CDH18: variants seen among roughly 807,000 people sequenced by gnomAD.
CDH18 encodes the protein cadherin-18.
Under a neutral mutation model 67.9 loss-of-function variants are expected in CDH18, and 31 were observed. The observed-to-expected ratio is 0.46, with a 90% CI of 0.34 to 0.62. CDH18 has a LOEUF of 0.62. Among genes scored for constraint, CDH18 ranks in the 20% least tolerant of loss-of-function variants. The pLI is 0.01. For synonymous variants in CDH18, 362 were observed against 347.2 expected (o/e 1.04, Z -0.48); for missense variants, 890 against 975.5 (o/e 0.91, Z 1.17).
At chr5:20,564,796 C>A (rs2434785) in intron 1 of CDH18, among the ~76,000 whole-genome samples, 41,721 of 152,000 alleles carry the variant, frequency 0.27, 7,233 homozygotes, top group African/African-American at 0.49. Context: ...GGTCAGAGAT[C>A]TAACAGAAAG....
At chr5:20,220,726 C>G (rs1369856663) in intron 2 of CDH18, among the ~76,000 whole-genome samples, 1 of 151,892 alleles carries the variant, frequency 6.6e-6, no homozygotes, top group Non-Finnish European at 1.5e-5. Flanking sequence ...AACTATCCAG[C>G]TGACAAGGGA....
intron 2 of CDH18, among the ~76,000 whole-genome samples, chr5:20,084,211 T>C (rs905219309): frequency 6.6e-6 from 1 of 152,142 alleles, no homozygotes; most frequent in African/African-American, 2.4e-5. Flanking sequence ...GTGGGAGACA[T>C]TGGCCAAAAC....
At chr5:19,822,085 C>A (rs895361612) in intron 3 of CDH18, among the ~76,000 whole-genome samples, 1 of 152,124 alleles carries the variant, frequency 6.6e-6, no homozygotes, top group African/African-American at 2.4e-5. Flanking sequence ...AACAACATCA[C>A]AACCGGATCA....
intron 5 of CDH18, among the ~76,000 whole-genome samples, chr5:19,709,397 T>C (rs1764408034): frequency 6.6e-6 from 1 of 151,956 alleles, no homozygotes; most frequent in Admixed American, 6.6e-5. Flanking sequence ...GTGAAACCCA[T>C]CTCTACTAAA....
At chr5:19,819,684 C>G (rs888555105) in intron 3 of CDH18, among the ~76,000 whole-genome samples, 1 of 152,104 alleles carries the variant, frequency 6.6e-6, no homozygotes, top group Non-Finnish European at 1.5e-5. Context: ...GAGGCTTGCA[C>G]AGAGCCCAAA....
intron 3 of CDH18, among the ~76,000 whole-genome samples, chr5:19,799,501 G>T (rs923850880): frequency 6.6e-6 from 1 of 151,434 alleles, no homozygotes; most frequent in Non-Finnish European, 1.5e-5. Flanking sequence ...TTTTGAGGGT[G>T]ATGAATGTGT....
rs116759944 is a variant in CDH18 at position 20,158,916 on chromosome 5, T to C, written c.-518+96528A>G. On this transcript the variant is annotated intron_variant, in intron 2 of 14. Coordinates refer to the CDH18 transcript ENST00000507958. Reference sequence around the variant, plus strand: ...AAAGCTTTTAGTCTCTCTTTATCACTTGCAACCCCAACTATCATCTTGCAA... The same window carrying C: ...AAAGCTTTTAGTCTCTCTTTATCACCTGCAACCCCAACTATCATCTTGCAA... The C allele has an allele frequency of 5.0e-3, 961 of 191,446 alleles. 10 individuals are homozygous for C. Among genetic ancestry groups the C allele is most frequent in the African/African-American group, 0.022 (931 of 42,438 alleles). The allele number at this position is 191,446 out of a possible 1,614,324, so 11.9% of individuals were successfully genotyped here. A position where few individuals can be genotyped will look rare whatever the true frequency, so the allele number is the denominator to read the frequency against.
intron 1 of CDH18, among the ~76,000 whole-genome samples, chr5:20,313,075 T>A (rs1737141977): frequency 1.3e-5 from 2 of 152,104 alleles, no homozygotes; most frequent in Non-Finnish European, 2.9e-5. Context: ...TCTTGGTAAA[T>A]AACAAGGATA....
At chr5:19,719,957 G>GAAAGAAAGAAAGA (rs869259013) in intron 5 of CDH18, among the ~76,000 whole-genome samples, 301 of 149,502 alleles carry the variant, frequency 2.0e-3, no homozygotes, top group African/African-American at 7.1e-3. Context: ...AAGAAAGAAA[G>GAAAGAAAGAAAGA]AAGGAAAGAG....
intron 5 of CDH18, among the ~76,000 whole-genome samples, chr5:19,651,934 C>G (rs1213969856): frequency 2.0e-5 from 3 of 151,912 alleles, no homozygotes; most frequent in African/African-American, 2.4e-5. Flanking sequence ...GAAAAATATA[C>G]CATATATACA....
intron 2 of CDH18, among the ~76,000 whole-genome samples, chr5:20,137,414 C>T (rs1749825606): frequency 1.3e-5 from 2 of 152,034 alleles, no homozygotes; most frequent in African/African-American, 2.4e-5. Flanking sequence ...AGTTCTCATG[C>T]CATGGTTTTC....
At chr5:19,794,679 T>C (rs1195035017) in intron 3 of CDH18, among the ~76,000 whole-genome samples, 3 of 152,276 alleles carry the variant, frequency 2.0e-5, no homozygotes, top group East Asian at 3.9e-4. Flanking sequence ...GTAAGTACCA[T>C]TTATTTTTTA....
At chr5:20,482,571 T>G (rs1398826488) in intron 1 of CDH18, among the ~76,000 whole-genome samples, 1 of 152,092 alleles carries the variant, frequency 6.6e-6, no homozygotes, top group Non-Finnish European at 1.5e-5. Flanking sequence ...AAAGATAATT[T>G]ATTATGACCA....
At chr5:20,075,773 TTGA>T (rs1743875653) in intron 2 of CDH18, among the ~76,000 whole-genome samples, 1 of 152,172 alleles carries the variant, frequency 6.6e-6, no homozygotes, top group Non-Finnish European at 1.5e-5. Flanking sequence ...TTCCCCTGTG[TTGA>T]TGATAATTTA....
chr5:20,020,784 C>G (rs1417997551), intron 2 of CDH18, among the ~76,000 whole-genome samples: 1 of 152,146 alleles, frequency 6.6e-6, no homozygotes, highest in East Asian at 1.9e-4. Context: ...TAGGGCTGTA[C>G]AGAGGATAAA....
intron 2 of CDH18, among the ~76,000 whole-genome samples, chr5:19,967,412 G>C (rs183650482): frequency 6.6e-6 from 1 of 152,052 alleles, no homozygotes; most frequent in Non-Finnish European, 1.5e-5. Context: ...AGTGCCTTCT[G>C]TGTGCTTGAC....
Position 19,643,841 on chromosome 5 carries a change from C to T in CDH18, c.644-31240G>A, listed in dbSNP as rs144602869. Among the ~76,000 whole-genome samples the T allele has an allele frequency of 4.2e-3, 637 of 152,244 alleles. 5 individuals are homozygous for T. Among genetic ancestry groups the T allele is most frequent in the African/African-American group, 0.015 (615 of 41,542 alleles). On this transcript the variant is annotated intron_variant, in intron 5 of 12. Transcript: ENST00000382275. ...ATAGATCTTCAGTGTTATCAACACA[C>T]ACAAACACAAACACAAAAGGTAACT...
chr5:19,814,352 T>G (rs1779066728), intron 3 of CDH18, among the ~76,000 whole-genome samples: 1 of 150,540 alleles, frequency 6.6e-6, no homozygotes, highest in Non-Finnish European at 1.5e-5. Flanking sequence ...GCATGAATTA[T>G]GTCCTAAAAA....
intron 1 of CDH18, among the ~76,000 whole-genome samples, chr5:20,345,318 G>A (rs776808183): frequency 8.5e-5 from 13 of 152,104 alleles, no homozygotes; most frequent in Admixed American, 3.3e-4. Context: ...TAATTCTCAC[G>A]ATAAGGCAAC....
Sources: gnomAD v4.1 joint callset for allele counts (sites outside exome capture counted in the v4.1 genomes callset) on GRCh38, gnomAD v4.1.1 for gene constraint, MANE v1.5 for transcripts, NCBI Gene and HGNC (gene_info 2026-07-23, HGNC 2026-07-21) for gene names.